Variants in ANKRD44 observed in about 807,000 individuals in gnomAD.
The protein encoded by ANKRD44 is serine/threonine-protein phosphatase 6 regulatory ankyrin repeat subunit B.
Under a neutral mutation model 116.0 loss-of-function variants are expected in ANKRD44, and 35 were observed. That is an observed-to-expected ratio of 0.30 (90% CI 0.23 to 0.40). The LOEUF is 0.40. Ranked by LOEUF, ANKRD44 falls within the 10% of genes least tolerant of loss-of-function variation. The pLI is 1.00. For missense variants in ANKRD44, 1,014 were observed against 1,242.6 expected (o/e 0.82, Z 2.77); for synonymous variants, 435 against 461.8 (o/e 0.94, Z 0.74).
chr2:197,052,018 T>A (rs990020743), intron 16 of ANKRD44, among the ~76,000 whole-genome samples: 1 of 152,158 alleles, frequency 6.6e-6, no homozygotes, highest in African/African-American at 2.4e-5. Flanking sequence ...ATCCGGGCAG[T>A]GCAGAGCTCT....
intron 2 of ANKRD44, among the ~76,000 whole-genome samples, chr2:197,183,197 T>C (rs2080557825): frequency 6.6e-6 from 1 of 152,072 alleles, no homozygotes; most frequent in Non-Finnish European, 1.5e-5. Context: ...AGTTAATGAA[T>C]GGGTGATTTA....
At chr2:197,059,755 G>A (rs2077272569) in intron 16 of ANKRD44, among the ~76,000 whole-genome samples, 1 of 152,192 alleles carries the variant, frequency 6.6e-6, no homozygotes, top group Non-Finnish European at 1.5e-5. Flanking sequence ...TTACTTCAAT[G>A]TACTGTGTCA....
chr2:196,993,934 C>G (rs1032925614), intron 26 of ANKRD44, among the ~76,000 whole-genome samples: 1 of 152,150 alleles, frequency 6.6e-6, no homozygotes, highest in Non-Finnish European at 1.5e-5. Flanking sequence ...ACAGTAAATA[C>G]GAAGACAGAG....
intron 1 of ANKRD44, among the ~76,000 whole-genome samples, chr2:197,204,754 A>C (rs1353792030): frequency 6.6e-6 from 1 of 152,232 alleles, no homozygotes; most frequent in Admixed American, 6.5e-5. Context: ...AGCAAATTCT[A>C]GTTTATAAGA....
intron 2 of ANKRD44, among the ~76,000 whole-genome samples, chr2:197,166,123 A>G (rs2080096035): frequency 6.6e-6 from 1 of 152,210 alleles, no homozygotes; most frequent in Non-Finnish European, 1.5e-5. Flanking sequence ...AAAGTGGAAT[A>G]TCTTTATTGG....
In ANKRD44 at chr2:197,156,370, G is replaced by A. The variant is rs574858433; in HGVS notation, c.112-9265C>T. On this transcript the variant is annotated intron_variant, in intron 2 of 27. Transcript: ENST00000282272. ...CAAAAAAAAAAAAACAGTGCCCACC[G>A]TCATTAGTCATTAGAGAAAGGCAAA... is the stretch of plus-strand genomic sequence containing the variant. Among the ~76,000 whole-genome samples the A allele has an allele frequency of 4.0e-4, 61 of 151,492 alleles. 1 individual carries two copies. Among genetic ancestry groups the A allele is most frequent in the Non-Finnish European group, 5.9e-4 (40 of 67,918 alleles).
At chr2:197,056,918 C>T (rs540389343) in intron 16 of ANKRD44, among the ~76,000 whole-genome samples, 2 of 152,216 alleles carry the variant, frequency 1.3e-5, no homozygotes, top group African/African-American at 4.8e-5. Context: ...TCTCTTCTGC[C>T]ATGTAAGGTA....
At chr2:197,273,996 T>TCTATATAG (rs2082996462) in intron 1 of ANKRD44, among the ~76,000 whole-genome samples, 1 of 36,038 alleles carries the variant, frequency 2.8e-5, no homozygotes, top group Non-Finnish European at 4.9e-5. Context: ...TATATATATA[T>TCTATATAG]ATATATATAT....
At chr2:197,129,921 C>G (rs1392258011) in intron 4 of ANKRD44, among the ~76,000 whole-genome samples, 1 of 152,182 alleles carries the variant, frequency 6.6e-6, no homozygotes, top group Non-Finnish European at 1.5e-5. Context: ...TTACAAGTTG[C>G]TTTAGATAGG....
chr2:197,256,830 T>C (rs1360287787), intron 1 of ANKRD44, among the ~76,000 whole-genome samples: 2 of 152,188 alleles, frequency 1.3e-5, no homozygotes, highest in African/African-American at 4.8e-5. Context: ...ATCACCCTAG[T>C]CCAGGACTTC....
intron 6 of ANKRD44, among the ~76,000 whole-genome samples, chr2:197,123,325 G>C (rs905075688): frequency 1.3e-5 from 2 of 152,180 alleles, no homozygotes; most frequent in African/African-American, 4.8e-5. Context: ...CAACTTAAAA[G>C]TATCCTCATG....
intron 10 of ANKRD44, among the ~76,000 whole-genome samples, chr2:197,096,243 T>G (rs1271393381): frequency 6.6e-6 from 1 of 152,208 alleles, no homozygotes; most frequent in African/African-American, 2.4e-5. Flanking sequence ...GGCAGGGACC[T>G]CTATAATCCC....
intron 2 of ANKRD44, among the ~76,000 whole-genome samples, chr2:197,168,744 A>G (rs1283207036): frequency 6.6e-6 from 1 of 152,072 alleles, no homozygotes; most frequent in African/African-American, 2.4e-5. Context: ...TGAGTGGTCT[A>G]CCTTCATGAC....
Position 196,987,650 on chromosome 2 carries a change from C to A in ANKRD44, c.*1941G>T. ...TTTAGTAGTGATAAATAGAAATACC[C>A]TGAGCTATTTACTGTAGAATCATAG... On this transcript the variant is annotated 3_prime_UTR_variant, in exon 28 of 28. Coordinates refer to ENST00000282272, the MANE Select transcript of ANKRD44 (RefSeq NM_001195144.2). The A allele has an allele frequency of 1.0e-6, 1 of 985,328 alleles. No homozygotes were observed. Among genetic ancestry groups the A allele is most frequent in the Non-Finnish European group, 1.2e-6 (1 of 829,896 alleles). 61.0% of individuals were successfully genotyped at this position (985,328 alleles called of 1,614,324 possible).
chr2:197,061,696 G>C (rs1439571159), intron 16 of ANKRD44, among the ~76,000 whole-genome samples: 1 of 151,906 alleles, frequency 6.6e-6, no homozygotes, highest in East Asian at 1.9e-4. Context: ...GGAGAACTAG[G>C]AAATGTGGGT....
chr2:197,034,117 A>T (rs1216176669), intron 16 of ANKRD44, among the ~76,000 whole-genome samples: 1 of 148,908 alleles, frequency 6.7e-6, no homozygotes, highest in Non-Finnish European at 1.5e-5. Context: ...ACAAACTCGT[A>T]ATTCAGCTTG....
At chr2:197,093,394 A>G (rs1357985314) in intron 10 of ANKRD44, among the ~76,000 whole-genome samples, 2 of 152,090 alleles carry the variant, frequency 1.3e-5, no homozygotes, top group Non-Finnish European at 2.9e-5. Context: ...AATTCATCAA[A>G]CTCTACATTC....
At chr2:197,253,993 G>A (rs2053756368) in intron 1 of ANKRD44, among the ~76,000 whole-genome samples, 1 of 152,156 alleles carries the variant, frequency 6.6e-6, no homozygotes, top group African/African-American at 2.4e-5. Flanking sequence ...CCCACAATGG[G>A]AGTATTCTGT....
chr2:197,172,881 C>T (rs1352344252), intron 2 of ANKRD44, among the ~76,000 whole-genome samples: 1 of 152,194 alleles, frequency 6.6e-6, no homozygotes, highest in South Asian at 2.1e-4. Flanking sequence ...TCCTATTCAT[C>T]TTATAGTCCC....
Sources: allele counts gnomAD v4.1 joint callset (sites outside exome capture counted in the v4.1 genomes callset), GRCh38; gene constraint gnomAD v4.1.1; transcripts MANE v1.5; gene names NCBI Gene and HGNC (gene_info 2026-07-23, HGNC 2026-07-21).